Variants in WDR7 observed in about 807,000 individuals in gnomAD.
WDR7 encodes the protein WD repeat-containing protein 7.
WDR7 carries 46 observed loss-of-function variants against 169.4 expected under a neutral mutation model. That is an observed-to-expected ratio of 0.27 (90% CI 0.21 to 0.35). The LOEUF (loss-of-function observed/expected upper bound fraction) is 0.35. Among genes scored for constraint, WDR7 ranks in the 10% least tolerant of loss-of-function variants. The pLI is 1.00. For synonymous variants in WDR7, 612 were observed against 666.8 expected, an observed-to-expected ratio of 0.92 and a Z score of 1.27; for missense variants, 1,534 against 1,859.3, an observed-to-expected ratio of 0.83 and a Z score of 3.22.
intron 20 of WDR7, among the ~76,000 whole-genome samples, chr18:56,856,093 G>A (rs970401916): frequency 2.6e-5 from 4 of 152,168 alleles, no homozygotes; most frequent in African/African-American, 4.8e-5. Context: ...GAAACTAGAG[G>A]AGAGGTGAAT....
intron 20 of WDR7, among the ~76,000 whole-genome samples, chr18:56,870,401 C>G (rs1234453755): frequency 6.6e-6 from 1 of 151,940 alleles, no homozygotes; most frequent in Non-Finnish European, 1.5e-5. Context: ...TGAGGGCCAA[C>G]ATTTTTCTCA....
At chr18:56,839,394 T>C (rs1464171347) in intron 20 of WDR7, among the ~76,000 whole-genome samples, 1 of 152,182 alleles carries the variant, frequency 6.6e-6, no homozygotes, top group Non-Finnish European at 1.5e-5. Context: ...ACTCCAGATA[T>C]CATATTATTT....
intron 26 of WDR7, among the ~76,000 whole-genome samples, chr18:56,985,407 A>G (rs908949746): frequency 6.6e-6 from 1 of 152,180 alleles, no homozygotes; most frequent in Non-Finnish European, 1.5e-5. Flanking sequence ...ATATATCACA[A>G]GGATTATGCT....
chr18:56,866,571 C>G (rs1375604226), intron 20 of WDR7, among the ~76,000 whole-genome samples: 1 of 151,868 alleles, frequency 6.6e-6, no homozygotes, highest in East Asian at 1.9e-4. Flanking sequence ...AAATCAAAAA[C>G]ATTGGATTAA....
At chr18:56,794,304 ATTTTTTTTTTTT>A (rs566857049) in intron 19 of WDR7, among the ~76,000 whole-genome samples, 1 of 49,468 alleles carries the variant, frequency 2.0e-5, no homozygotes, top group African/African-American at 6.6e-5. Flanking sequence ...GGTAAAGTCT[ATTTTTTTTTTTT>A]TTTTTTTTTT....
intron 20 of WDR7, among the ~76,000 whole-genome samples, chr18:56,830,853 CTG>C (rs1237513487): frequency 1.3e-5 from 2 of 152,194 alleles, no homozygotes; most frequent in African/African-American, 2.4e-5. Flanking sequence ...ATTATAAGCA[CTG>C]TGCCACCATC....
intron 16 of WDR7, 76 bp from the exon 17 acceptor site, chr18:56,776,706 C>A: frequency 7.7e-7 from 1 of 1,295,044 alleles, no homozygotes; most frequent in Non-Finnish European, 1.1e-6. Flanking sequence ...TCATTCTTCA[C>A]TAATACTAAG....
intron 12 of WDR7, among the ~76,000 whole-genome samples, chr18:56,716,362 C>A (rs1452363597): frequency 2.6e-5 from 4 of 151,514 alleles, no homozygotes; most frequent in Admixed American, 6.6e-5. Flanking sequence ...TGAGTAAACA[C>A]CTGTTATGCT....
Position 56,779,471 on chromosome 18 carries a change from A to G in WDR7, c.2988A>G (p.Pro996=). ...QLAAMHCVML[P]DLLGLDKFRP... ...CTGCTATGCACTGTGTTATGCTGCCAGACCTACTGGGATTGGATAAATTTA... is the reference window on the plus strand; with the variant it reads ...CTGCTATGCACTGTGTTATGCTGCCGGACCTACTGGGATTGGATAAATTTA... The change falls in exon 18 of 28, where the codon CCA becomes CCG. Residue 996 remains proline, a synonymous_variant. Transcript: ENST00000254442. The G allele has an allele frequency of 1.2e-5, 19 of 1,614,016 alleles. No individual in the cohort carries two copies. Among genetic ancestry groups the G allele is most frequent in the Non-Finnish European group, 1.6e-5 (19 of 1,179,930 alleles).
At chr18:56,874,337 A>G (rs1165020102) in intron 20 of WDR7, among the ~76,000 whole-genome samples, 1 of 152,086 alleles carries the variant, frequency 6.6e-6, no homozygotes, top group Non-Finnish European at 1.5e-5. Context: ...TACCATAGCT[A>G]TCACAGATTG....
chr18:56,876,631 G>T (rs1246396968), intron 20 of WDR7, among the ~76,000 whole-genome samples: 2 of 152,072 alleles, frequency 1.3e-5, no homozygotes, highest in African/African-American at 4.8e-5. Flanking sequence ...ACATTGAAAA[G>T]ATCTGAGTGC....
intron 14 of WDR7, among the ~76,000 whole-genome samples, chr18:56,746,925 G>C (rs775723174): frequency 6.6e-6 from 1 of 152,172 alleles, no homozygotes; most frequent in African/African-American, 2.4e-5. Context: ...ACATTACCAA[G>C]TGTCCGTTGG....
At chr18:56,783,892 A>G (rs2044355725) in intron 19 of WDR7, among the ~76,000 whole-genome samples, 1 of 152,222 alleles carries the variant, frequency 6.6e-6, no homozygotes, top group African/African-American at 2.4e-5. Context: ...AAGGCAAAAT[A>G]TAGCCACAAA....
At chr18:56,990,441 A>T (rs553868580) in intron 26 of WDR7, among the ~76,000 whole-genome samples, 14 of 152,372 alleles carry the variant, frequency 9.2e-5, no homozygotes, top group African/African-American at 3.4e-4. Context: ...TTTTCACAAT[A>T]GTAGGAAGTT....
Position 56,939,341 on chromosome 18 carries a change from G to T in WDR7, c.4012G>T (p.Gly1338Ter). 1 of 1,585,476 alleles carries T rather than the reference G, an allele frequency of 6.3e-7. No homozygotes were observed. Among genetic ancestry groups the T allele is most frequent in the South Asian group, 1.2e-5 (1 of 84,994 alleles). ...VMDIIMYCLE[G>*]SLVKKKGLQE... ...GGACATCATTATGTACTGCCTTGAA[G>T]GATCTTTAGTTAAAAAGAAAGGTCT... Residue 1338 changes from glycine to a stop codon, truncating the protein, a stop_gained, in exon 25 of 28, where the codon GGA becomes TGA. Transcript: ENST00000254442. LOFTEE classifies it high-confidence loss of function.
At chr18:56,914,576 T>C (rs1323491009) in intron 21 of WDR7, among the ~76,000 whole-genome samples, 2 of 152,174 alleles carry the variant, frequency 1.3e-5, no homozygotes, top group East Asian at 3.9e-4. Context: ...TGCCATTCAA[T>C]AGTCCTCCCG....
At chr18:56,790,165 C>T (rs1421609073) in intron 19 of WDR7, among the ~76,000 whole-genome samples, 1 of 152,128 alleles carries the variant, frequency 6.6e-6, no homozygotes, top group Non-Finnish European at 1.5e-5. Flanking sequence ...GTCTCGTAAG[C>T]TTTTAAATAT....
In WDR7 at chr18:56,854,093, C is replaced by T. The variant is rs937109262; in HGVS notation, c.3305-25851C>T. On this transcript the variant is annotated intron_variant, in intron 20 of 27. Coordinates refer to ENST00000254442, the MANE Select transcript of WDR7 (RefSeq NM_015285.3). ...TCCTTTGTTCTCACACCACTGCAGT[C>T]GGCACAGAAGCCTTCTTTGACTAAA... 1.1e-4 allele frequency among the ~76,000 whole-genome samples: 16 copies of T among 152,160 alleles called. No homozygotes were observed. In the East Asian group the frequency reaches 1.3e-3, roughly 13 times the overall value.
At chr18:57,030,859 G>A (rs1005228167), downstream of WDR7, 2 of 138,074 alleles carry the variant, frequency 1.4e-5, no homozygotes, top group African/African-American at 2.8e-5. Flanking sequence ...AAAATTAGAT[G>A]TTCAGTTCTT....
Sources: gnomAD v4.1 joint callset for allele counts (sites outside exome capture counted in the v4.1 genomes callset) on GRCh38, gnomAD v4.1.1 for gene constraint, MANE v1.5 for transcripts, NCBI Gene and HGNC (gene_info 2026-07-23, HGNC 2026-07-21) for gene names.